Variants in PIP5K1B observed in about 807,000 individuals in gnomAD.
PIP5K1B encodes phosphatidylinositol 4-phosphate 5-kinase type-1 beta.
A neutral mutation model predicts 67.0 loss-of-function variants in PIP5K1B; 42 were observed. The ratio of observed to expected loss-of-function variants is 0.63; its 90% confidence interval spans 0.49 to 0.81. The LOEUF is 0.81. Among genes scored for constraint, PIP5K1B ranks in the 30% least tolerant of loss-of-function variants. PIP5K1B has a pLI of 0.00. For missense variants in PIP5K1B, 459 were observed against 646.3 expected (o/e 0.71, Z 3.14); for synonymous variants, 214 against 231.4 (o/e 0.92, Z 0.68).
intron 8 of PIP5K1B, 124 bp from the exon 9 acceptor site, chr9:68,917,424 A>T: frequency 1.4e-6 from 1 of 727,524 alleles, no homozygotes; most frequent in Non-Finnish European, 2.4e-6. Context: ...TTCATCTCTC[A>T]GCCACCCCGC....
intron 12 of PIP5K1B, among the ~76,000 whole-genome samples, chr9:68,934,495 C>G (rs12339090): frequency 0.017 from 2,581 of 152,284 alleles, 81 homozygotes; most frequent in African/African-American, 0.059. Context: ...ATTCTCTATA[C>G]TTTACCATCT....
At chr9:68,931,027 C>T (rs1826968674) in intron 12 of PIP5K1B, among the ~76,000 whole-genome samples, 1 of 152,122 alleles carries the variant, frequency 6.6e-6, no homozygotes, top group Non-Finnish European at 1.5e-5. Flanking sequence ...TAAAGGCATA[C>T]TCCCCTCCCA....
chr9:68,966,965 A>T (rs1418117837), intron 14 of PIP5K1B, among the ~76,000 whole-genome samples: 1 of 152,172 alleles, frequency 6.6e-6, no homozygotes, highest in Non-Finnish European at 1.5e-5. Context: ...GTCTTTTTGC[A>T]GCTGGGTTTA....
At chr9:68,822,576 TA>T in intron 3 of PIP5K1B, 38 bp from the exon 4 acceptor site, 1 of 1,402,306 alleles carries the variant, frequency 7.1e-7, no homozygotes, top group Non-Finnish European at 1.0e-6. Flanking sequence ...TATTTCAGAG[TA>T]ACATTGAAGT....
intron 2 of PIP5K1B, among the ~76,000 whole-genome samples, chr9:68,807,489 C>A (rs1832932147): frequency 6.6e-6 from 1 of 152,348 alleles, no homozygotes; most frequent in Admixed American, 6.5e-5. Flanking sequence ...GCCTTTCAGA[C>A]TTCCCCACAG....
At chr9:68,837,895 CAGAA>C (rs1821709926) in intron 4 of PIP5K1B, among the ~76,000 whole-genome samples, 1 of 151,778 alleles carries the variant, frequency 6.6e-6, no homozygotes, top group Non-Finnish European at 1.5e-5. Flanking sequence ...TTAATGAATT[CAGAA>C]AGAAGCATCT....
chr9:68,723,150 T>C (rs1211826698), intron 1 of PIP5K1B, among the ~76,000 whole-genome samples: 1 of 151,976 alleles, frequency 6.6e-6, no homozygotes, highest in African/African-American at 2.4e-5. Context: ...TGTAGCTGAA[T>C]AATATTCCTC....
intron 1 of PIP5K1B, among the ~76,000 whole-genome samples, chr9:68,726,295 A>G (rs1422781103): frequency 1.3e-5 from 2 of 152,192 alleles, no homozygotes; most frequent in African/African-American, 4.8e-5. Flanking sequence ...AAAAAAATTG[A>G]AATGATTATA....
At chr9:68,872,026 A>C (rs746197037) in intron 5 of PIP5K1B, among the ~76,000 whole-genome samples, 1 of 152,168 alleles carries the variant, frequency 6.6e-6, no homozygotes, top group Non-Finnish European at 1.5e-5. Context: ...GATGCTGAGC[A>C]CAGTTACTCA....
At chr9:68,812,221 G>A (rs1455706754) in intron 2 of PIP5K1B, among the ~76,000 whole-genome samples, 8 of 152,254 alleles carry the variant, frequency 5.3e-5, no homozygotes, top group African/African-American at 1.7e-4. Context: ...AAATTGGGGA[G>A]TGCCAACGGA....
At chr9:68,890,111 A>G (rs1388561526) in intron 7 of PIP5K1B, among the ~76,000 whole-genome samples, 1 of 152,090 alleles carries the variant, frequency 6.6e-6, no homozygotes, top group Admixed American at 6.5e-5. Flanking sequence ...TGCATTTTTA[A>G]CCCCTACACT....
At chr9:68,955,124 G>C (rs1485305483) in intron 14 of PIP5K1B, among the ~76,000 whole-genome samples, 1 of 152,216 alleles carries the variant, frequency 6.6e-6, no homozygotes, top group Non-Finnish European at 1.5e-5. Flanking sequence ...AGTAAAGGAA[G>C]AGTGCTACAG....
At chr9:68,942,733 T>G (rs1397461715) in intron 14 of PIP5K1B, among the ~76,000 whole-genome samples, 1 of 152,234 alleles carries the variant, frequency 6.6e-6, no homozygotes, top group Non-Finnish European at 1.5e-5. Flanking sequence ...TATTTTTCCT[T>G]TCTTTTAAAT....
At chr9:68,932,096 C>A (rs183816625) in intron 12 of PIP5K1B, among the ~76,000 whole-genome samples, 1 of 152,174 alleles carries the variant, frequency 6.6e-6, no homozygotes, top group Non-Finnish European at 1.5e-5. Context: ...AGAGTTACTT[C>A]TTTTTCCAGT....
chr9:68,902,135 CAT>C lies in PIP5K1B; in HGVS notation c.771+7498_771+7499del, dbSNP rs1049445560. On this transcript the variant is annotated intron_variant, in intron 8 of 15. Coordinates refer to ENST00000265382, the MANE Select transcript of PIP5K1B (RefSeq NM_003558.4). ...TCAGATTTCACCAGTTTTACATGCA[CAT>C]GTGTGGTGGGGGAGGTTCTGTGCAA... is the stretch of plus-strand genomic sequence containing the variant. Among the ~76,000 whole-genome samples the C allele has an allele frequency of 2.0e-5, 3 of 152,160 alleles. 1 individual carries two copies. The highest frequency in any genetic ancestry group is 2.9e-5 in the Non-Finnish European group (2 of 68,026).
intron 2 of PIP5K1B, among the ~76,000 whole-genome samples, chr9:68,753,338 C>A (rs1587390374): frequency 8.0e-6 from 1 of 124,924 alleles, no homozygotes. Context: ...CCCACATTTT[C>A]TTGATTTTTT....
At chr9:68,930,678 C>T (rs1826954425) in intron 12 of PIP5K1B, among the ~76,000 whole-genome samples, 1 of 151,774 alleles carries the variant, frequency 6.6e-6, no homozygotes, top group Non-Finnish European at 1.5e-5. Context: ...CCAATTTCCA[C>T]ACACACACAC....
At chr9:68,996,757 G>A (rs1830616719) in intron 15 of PIP5K1B, among the ~76,000 whole-genome samples, 1 of 152,212 alleles carries the variant, frequency 6.6e-6, no homozygotes, top group South Asian at 2.1e-4. Flanking sequence ...TGTATTGGGA[G>A]AGAATATCCT....
intron 2 of PIP5K1B, among the ~76,000 whole-genome samples, chr9:68,748,613 C>CTTTTTTTTTTTTT (rs58954806): frequency 1.0e-5 from 1 of 98,300 alleles, no homozygotes; most frequent in African/African-American, 3.8e-5. Context: ...GATTTCTTTT[C>CTTTTTTTTTTTTT]TTTTTTTTTT....
Sources: allele counts gnomAD v4.1 joint callset (sites outside exome capture counted in the v4.1 genomes callset), GRCh38; gene constraint gnomAD v4.1.1; transcripts MANE v1.5; gene names NCBI Gene and HGNC (gene_info 2026-07-23, HGNC 2026-07-21).